Variants in EYA2 observed in about 807,000 individuals in gnomAD.
EYA2 encodes the protein protein phosphatase EYA2.
In EYA2, 31 loss-of-function variants were observed where a neutral mutation model predicts 69.2. The observed-to-expected ratio is 0.45, with a 90% CI of 0.34 to 0.60. The LOEUF is 0.60. Ranked by LOEUF, EYA2 falls within the 20% of genes least tolerant of loss-of-function variation. The pLI is 0.02. For missense variants in EYA2, 622 were observed against 701.2 expected, an observed-to-expected ratio of 0.89 and a Z score of 1.28; for synonymous variants, 257 against 279.4, an observed-to-expected ratio of 0.92 and a Z score of 0.80.
intron 3 of EYA2, among the ~76,000 whole-genome samples, chr20:47,002,141 G>A (rs1008938201): frequency 6.0e-5 from 8 of 132,348 alleles, no homozygotes; most frequent in South Asian, 2.5e-4. Flanking sequence ...CTCCCCTTTC[G>A]TCCCCCATCC....
intron 1 of EYA2, among the ~76,000 whole-genome samples, chr20:46,908,365 A>T (rs1332956960): frequency 6.6e-6 from 1 of 152,246 alleles, no homozygotes; most frequent in Admixed American, 6.5e-5. Flanking sequence ...GAAGGAATGT[A>T]GGAGAACATT....
intron 4 of EYA2, among the ~76,000 whole-genome samples, chr20:47,007,502 C>T (rs1295763864): frequency 3.9e-5 from 6 of 152,082 alleles, no homozygotes; most frequent in African/African-American, 7.2e-5. Flanking sequence ...GCGGGGCCTC[C>T]GAGGCCCAGG....
intron 1 of EYA2, among the ~76,000 whole-genome samples, chr20:46,902,951 G>A (rs1042488677): frequency 6.6e-6 from 1 of 152,154 alleles, no homozygotes; most frequent in African/African-American, 2.4e-5. Flanking sequence ...GACAATCCTT[G>A]TAGACCAGAA....
chr20:47,061,760 C>T (rs1224068066), intron 5 of EYA2, among the ~76,000 whole-genome samples: 2 of 152,036 alleles, frequency 1.3e-5, no homozygotes, highest in East Asian at 1.9e-4. Flanking sequence ...AGGGTGTAGG[C>T]GAGTTTGGGA....
chr20:46,897,251 G>T (rs1245567922), intron 1 of EYA2, among the ~76,000 whole-genome samples: 1 of 152,192 alleles, frequency 6.6e-6, no homozygotes, highest in African/African-American at 2.4e-5. Context: ...CTGCTGTTGG[G>T]AGAATGGAAA....
At chr20:46,962,691 G>C (rs550902149) in intron 1 of EYA2, among the ~76,000 whole-genome samples, 1 of 152,154 alleles carries the variant, frequency 6.6e-6, no homozygotes. Flanking sequence ...TTTCCTCTGG[G>C]CTCCTCATTG....
chr20:47,165,825 G>A (rs2034173864), intron 10 of EYA2, among the ~76,000 whole-genome samples: 1 of 152,046 alleles, frequency 6.6e-6, no homozygotes, highest in South Asian at 2.1e-4. Flanking sequence ...TCCCCACAGG[G>A]CAACCCAGGC....
At chr20:47,081,392 T>G (rs1392432089) in intron 7 of EYA2, among the ~76,000 whole-genome samples, 1 of 152,168 alleles carries the variant, frequency 6.6e-6, no homozygotes, top group African/African-American at 2.4e-5. Flanking sequence ...AATATATACA[T>G]ATATCAAAAT....
chr20:47,099,459 G>A lies in EYA2; in HGVS notation c.888+2291G>A, dbSNP rs376087918. ...GAAGGGAGGATCGCTTGAGCCTGTG[G>A]TGAGCTATGATCGCACCACTGCACT... On this transcript the variant is annotated intron_variant, in intron 9 of 15. Transcript: ENST00000327619. 7.7e-4 allele frequency among the ~76,000 whole-genome samples: 117 copies of A among 152,342 alleles called. 2 individuals carry two copies. In the East Asian group the frequency reaches 0.015, roughly 20 times the overall value.
chr20:47,136,578 T>C (rs1468760293), intron 9 of EYA2, among the ~76,000 whole-genome samples: 1 of 151,864 alleles, frequency 6.6e-6, no homozygotes, highest in Non-Finnish European at 1.5e-5. Flanking sequence ...ACCCTGTCTC[T>C]ACACAAAATA....
chr20:47,001,320 A>G, intron 2 of EYA2, 108 bp from the exon 3 acceptor site: 1 of 909,602 alleles, frequency 1.1e-6, no homozygotes, highest in Non-Finnish European at 1.9e-6. Flanking sequence ...AGCCGCGGGC[A>G]GCACCCCTCC....
intron 5 of EYA2, among the ~76,000 whole-genome samples, chr20:47,056,627 A>G (rs2030625215): frequency 6.6e-6 from 1 of 152,184 alleles, no homozygotes; most frequent in African/African-American, 2.4e-5. Context: ...TGAGGCTTAG[A>G]AAGTTCAACC....
At chr20:47,048,649 A>G (rs888720025) in intron 5 of EYA2, among the ~76,000 whole-genome samples, 24 of 152,224 alleles carry the variant, frequency 1.6e-4, no homozygotes, top group Admixed American at 1.2e-3. Context: ...AGGCAGGAGA[A>G]TTGCTTGAAC....
At chr20:47,099,257 C>A (rs950121142) in intron 9 of EYA2, among the ~76,000 whole-genome samples, 1 of 152,214 alleles carries the variant, frequency 6.6e-6, no homozygotes, top group Non-Finnish European at 1.5e-5. Context: ...CCCAAGAAGC[C>A]GCAGAGGGCA....
At chr20:46,901,239 G>C (rs1984091068) in intron 1 of EYA2, 1 of 152,110 alleles carries the variant, frequency 6.6e-6, no homozygotes, top group African/African-American at 2.4e-5. Flanking sequence ...TTTCCTACCT[G>C]GTATTCGGAT....
intron 1 of EYA2, among the ~76,000 whole-genome samples, chr20:46,973,162 C>A (rs75638990): frequency 6.6e-6 from 1 of 152,156 alleles, no homozygotes; most frequent in Non-Finnish European, 1.5e-5. Flanking sequence ...TTGCTGCCCT[C>A]CCCCAAATTA....
chr20:46,960,216 A>G (rs1402005757), intron 1 of EYA2, among the ~76,000 whole-genome samples: 1 of 152,150 alleles, frequency 6.6e-6, no homozygotes, highest in Non-Finnish European at 1.5e-5. Flanking sequence ...ATTTCACGCC[A>G]CTGCAACCTA....
At chr20:46,966,616 G>A (rs1979798761) in intron 1 of EYA2, among the ~76,000 whole-genome samples, 2 of 152,122 alleles carry the variant, frequency 1.3e-5, no homozygotes, top group Admixed American at 1.3e-4. Flanking sequence ...AGACCGTCCT[G>A]GCTAACACGG....
intron 2 of EYA2, among the ~76,000 whole-genome samples, chr20:46,996,868 G>A (rs1379763194): frequency 6.6e-6 from 1 of 151,928 alleles, no homozygotes; most frequent in African/African-American, 2.4e-5. Context: ...AGGAAGAGAG[G>A]GGGGTGGCAA....
Sources: gnomAD v4.1 joint callset for allele counts (sites outside exome capture counted in the v4.1 genomes callset) on GRCh38, gnomAD v4.1.1 for gene constraint, MANE v1.5 for transcripts, NCBI Gene and HGNC (gene_info 2026-07-23, HGNC 2026-07-21) for gene names.